The following FER variants were observed in gnomAD, a reference collection of about 807,000 sequenced individuals.
The protein encoded by FER is FER tyrosine kinase, also known as tyrosine-protein kinase Fer.
In FER, 63 loss-of-function variants were observed where a neutral mutation model predicts 111.0. The observed-to-expected ratio is 0.57, with a 90% CI of 0.46 to 0.70. FER has a LOEUF of 0.70. Among genes scored for constraint, FER ranks in the 30% least tolerant of loss-of-function variants. FER has a pLI of 0.00. For synonymous variants in FER, 327 were observed against 313.9 expected (o/e 1.04, Z -0.44); for missense variants, 914 against 954.0 (o/e 0.96, Z 0.55).
In FER at chr5:108,858,550, C is replaced by T. The variant is rs181867039; in HGVS notation, c.482-9217C>T. ...TATCTCATTTTATTTTCCCCCCTCC[C>T]TCTTATCCTTGTTAATTTTGTTTAT... is the stretch of plus-strand genomic sequence containing the variant. On this transcript the variant is annotated intron_variant, in intron 5 of 19. Transcript: ENST00000281092. 2.0e-5 allele frequency among the ~76,000 whole-genome samples: 3 copies of T among 152,212 alleles called. No homozygotes were observed. The East Asian group carries it at 5.8e-4, about 29-fold the overall frequency.
intron 18 of FER, among the ~76,000 whole-genome samples, chr5:109,183,986 T>A (rs958324726): frequency 2.0e-5 from 3 of 151,988 alleles, no homozygotes; most frequent in African/African-American, 4.8e-5. Context: ...TATGTGTCTC[T>A]CTCATATACT....
chr5:108,786,083 A>G (rs1754687081), intron 2 of FER, among the ~76,000 whole-genome samples: 1 of 152,232 alleles, frequency 6.6e-6, no homozygotes, highest in African/African-American at 2.4e-5. Context: ...AGAGATACTC[A>G]GCAACACCCT....
At chr5:108,808,222 G>T (rs1757396588) in intron 3 of FER, among the ~76,000 whole-genome samples, 1 of 151,968 alleles carries the variant, frequency 6.6e-6, no homozygotes, top group Non-Finnish European at 1.5e-5. Flanking sequence ...GTGGGGTGTT[G>T]TGTGGCTGTC....
intron 17 of FER, among the ~76,000 whole-genome samples, chr5:109,124,596 G>A (rs943270757): frequency 6.9e-6 from 1 of 145,346 alleles, no homozygotes; most frequent in African/African-American, 2.6e-5. Flanking sequence ...TTTTGTTGTT[G>A]TTGTTGTTGT....
At chr5:109,027,884 G>T (rs569479311) in intron 13 of FER, among the ~76,000 whole-genome samples, 6 of 152,256 alleles carry the variant, frequency 3.9e-5, no homozygotes, top group African/African-American at 1.4e-4. Context: ...TTTATTTTCA[G>T]TTATTTTTAT....
At position 109,176,838 on chromosome 5, in the gene FER, G is replaced by A. The variant is rs1279363334; in HGVS notation, c.2049-3909G>A. Among the ~76,000 whole-genome samples, 4 of 152,148 alleles carry A rather than the reference G, an allele frequency of 2.6e-5. No homozygotes were observed. The East Asian group carries it at 7.7e-4, about 29-fold the overall frequency. ...AAAAAAAGTAAATAAATCTGCCAAG[G>A]AGTACACTTGGCCTGTGTGGAGGAA... On this transcript the variant is annotated intron_variant, in intron 17 of 19. Coordinates refer to ENST00000281092, the MANE Select transcript of FER (RefSeq NM_005246.4).
At chr5:109,131,980 T>C (rs536153632) in intron 17 of FER, among the ~76,000 whole-genome samples, 2 of 152,292 alleles carry the variant, frequency 1.3e-5, no homozygotes, top group African/African-American at 4.8e-5. Context: ...ATCTATATGT[T>C]ACCCATCTCA....
intron 10 of FER, among the ~76,000 whole-genome samples, chr5:108,914,972 C>T (rs1752067614): frequency 6.6e-6 from 1 of 152,086 alleles, no homozygotes; most frequent in South Asian, 2.1e-4. Flanking sequence ...TTAGCAAGGA[C>T]AAGGAGGATA....
At chr5:109,064,210 CTTTA>C (rs1232400395) in intron 16 of FER, among the ~76,000 whole-genome samples, 1 of 152,114 alleles carries the variant, frequency 6.6e-6, no homozygotes, top group African/African-American at 2.4e-5. Flanking sequence ...ATTGGAGTTA[CTTTA>C]TTTAATTTAC....
chr5:109,064,576 A>G (rs926371572), intron 16 of FER, among the ~76,000 whole-genome samples: 1 of 152,248 alleles, frequency 6.6e-6, no homozygotes, highest in Admixed American at 6.5e-5. Context: ...TTAAGTTTTC[A>G]TGGTACATTT....
intron 4 of FER, among the ~76,000 whole-genome samples, chr5:108,835,195 C>CG (rs1554074801): frequency 2.4e-5 from 3 of 126,978 alleles, no homozygotes; most frequent in Non-Finnish European, 5.0e-5. Flanking sequence ...CCCCCCCCCC[C>CG]CCACTTTTTT....
At chr5:109,095,208 G>A (rs1056608745) in intron 16 of FER, among the ~76,000 whole-genome samples, 1 of 152,076 alleles carries the variant, frequency 6.6e-6, no homozygotes, top group Non-Finnish European at 1.5e-5. Flanking sequence ...TCTGCATTTG[G>A]TCTAGCTGAA....
At chr5:108,951,819 G>A (rs936804088) in intron 11 of FER, among the ~76,000 whole-genome samples, 1 of 152,004 alleles carries the variant, frequency 6.6e-6, no homozygotes, top group Non-Finnish European at 1.5e-5. Flanking sequence ...CTCCCAAAAA[G>A]AAGCTCATCT....
chr5:109,125,460 C>CT, intron 17 of FER, among the ~76,000 whole-genome samples: 1 of 152,302 alleles, frequency 6.6e-6, no homozygotes, highest in Non-Finnish European at 1.5e-5. Context: ...ACATCTGTGA[C>CT]TAAGTTCACT....
chr5:108,881,713 C>T (rs767200625), intron 8 of FER, among the ~76,000 whole-genome samples: 2 of 152,018 alleles, frequency 1.3e-5, no homozygotes, highest in South Asian at 2.1e-4. Flanking sequence ...CCTCAGATGA[C>T]CCTTTCTTTG....
chr5:108,835,428 G>A (rs111818426), intron 4 of FER, among the ~76,000 whole-genome samples: 1 of 151,998 alleles, frequency 6.6e-6, no homozygotes, highest in South Asian at 2.1e-4. Context: ...CAAGTGATCT[G>A]CTTGTTTTAG....
In FER at chr5:108,808,008, T is replaced by C. The variant is rs192733121; in HGVS notation, c.207+9619T>C. Among the ~76,000 whole-genome samples the C allele has an allele frequency of 4.2e-3, 633 of 152,174 alleles. 5 individuals carry two copies. The highest frequency in any genetic ancestry group is 0.015 in the African/African-American group (614 of 41,524). ...TTGGTATGATTTAGTTTTTTTTTTT[T>C]TTAATTTACTGGGACTTGTTTTATG... is the stretch of plus-strand genomic sequence containing the variant. On this transcript the variant is annotated intron_variant, in intron 3 of 19. Coordinates refer to ENST00000281092, the MANE Select transcript of FER (RefSeq NM_005246.4).
intron 14 of FER, among the ~76,000 whole-genome samples, chr5:109,043,818 A>G (rs1168327982): frequency 6.6e-6 from 1 of 151,950 alleles, no homozygotes; most frequent in Non-Finnish European, 1.5e-5. Context: ...TAAAAATACA[A>G]AAATTAGCTG....
intron 10 of FER, among the ~76,000 whole-genome samples, chr5:108,943,102 G>A (rs950467023): frequency 6.6e-6 from 1 of 152,038 alleles, no homozygotes. Flanking sequence ...TTCCTTTCAC[G>A]ATAGTTCAGC....
Sources: allele counts gnomAD v4.1 joint callset (sites outside exome capture counted in the v4.1 genomes callset), GRCh38; gene constraint gnomAD v4.1.1; transcripts MANE v1.5; gene names NCBI Gene and HGNC (gene_info 2026-07-23, HGNC 2026-07-21).